Variants in ME3 observed in about 807,000 individuals in gnomAD.
ME3 encodes NADP-dependent malic enzyme, mitochondrial.
Under a neutral mutation model 68.9 loss-of-function variants are expected in ME3, and 48 were observed. That is an observed-to-expected ratio of 0.70 (90% CI 0.55 to 0.89). The LOEUF (loss-of-function observed/expected upper bound fraction) is 0.89, where lower values mean the gene tolerates loss of function less well. ME3 is among the 40% of genes least tolerant of loss of function. The pLI, the probability that ME3 is intolerant of heterozygous loss-of-function variation, is 0.00. For synonymous variants in ME3, 320 were observed against 318.8 expected (o/e 1.00, Z -0.04); for missense variants, 675 against 797.4 (o/e 0.85, Z 1.85).
At chr11:86,664,150 A>T (rs1946450603) in intron 2 of ME3, among the ~76,000 whole-genome samples, 1 of 152,230 alleles carries the variant, frequency 6.6e-6, no homozygotes, top group African/African-American at 2.4e-5. Context: ...TTGGCTCTAG[A>T]AACAATTCCC....
At chr11:86,541,165 G>A (rs1220094652) in intron 4 of ME3, among the ~76,000 whole-genome samples, 1 of 151,090 alleles carries the variant, frequency 6.6e-6, no homozygotes, top group Non-Finnish European at 1.5e-5. Flanking sequence ...ATTCCTTCCG[G>A]TGCCTACACC....
chr11:86,522,015 C>T (rs1954350982), intron 4 of ME3, among the ~76,000 whole-genome samples: 1 of 152,214 alleles, frequency 6.6e-6, no homozygotes, highest in South Asian at 2.1e-4. Context: ...TTTGGGAGGC[C>T]GAAGTTGGTA....
exon 8 of ME3, chr11:86,465,176 T>C: frequency 6.2e-7 from 1 of 1,613,764 alleles, no homozygotes; most frequent in Non-Finnish European, 8.5e-7. Flanking sequence ...AGTCTTCAAA[T>C]TGGATGAGGC....
intron 2 of ME3, among the ~76,000 whole-genome samples, chr11:86,662,666 T>G (rs563258772): frequency 6.6e-6 from 1 of 152,298 alleles, no homozygotes; most frequent in African/African-American, 2.4e-5. Context: ...CTCAAAATGT[T>G]GTGGTATTGT....
intron 7 of ME3, among the ~76,000 whole-genome samples, chr11:86,475,864 T>TAG (rs1255014257): frequency 3.9e-4 from 45 of 114,426 alleles, no homozygotes; most frequent in African/African-American, 1.3e-3. Flanking sequence ...TATATATATA[T>TAG]ATATATATAT....
intron 2 of ME3, among the ~76,000 whole-genome samples, chr11:86,585,510 T>C (rs1958680483): frequency 1.3e-5 from 2 of 152,118 alleles, no homozygotes; most frequent in Non-Finnish European, 2.9e-5. Context: ...GGTTGTGGTG[T>C]TCACTGAAAT....
At chr11:86,570,795 T>G (rs1354875202) in intron 2 of ME3, among the ~76,000 whole-genome samples, 3 of 152,156 alleles carry the variant, frequency 2.0e-5, no homozygotes, top group Non-Finnish European at 4.4e-5. Flanking sequence ...TTGTTCTGGT[T>G]GGGAGATAGG....
chr11:86,598,246 G>A (rs1025709664), intron 2 of ME3, among the ~76,000 whole-genome samples: 5 of 152,214 alleles, frequency 3.3e-5, no homozygotes, highest in South Asian at 2.1e-4. Context: ...ATTCGCACCC[G>A]AATACTGCGC....
At position 86,480,687 on chromosome 11, in the gene ME3, A is replaced by C. The variant is rs892559633; in HGVS notation, c.809+6650T>G. Among the ~76,000 whole-genome samples the C allele has an allele frequency of 2.6e-5, 4 of 152,328 alleles. No individual in the cohort carries two copies. The East Asian group carries it at 7.7e-4, about 29-fold the overall frequency. On this transcript the variant is annotated intron_variant, in intron 7 of 14. Transcript: ENST00000543262. The stretch of plus-strand genomic sequence containing the variant: ...TGGGGCCGAGGTACCCAGATGTGTG[A>C]GTGCTTTCCCCACATGTAGAAATGC...
intron 2 of ME3, among the ~76,000 whole-genome samples, chr11:86,657,538 G>A (rs1232242038): frequency 2.0e-5 from 3 of 152,110 alleles, no homozygotes; most frequent in African/African-American, 7.2e-5. Context: ...GTTGATGGGT[G>A]CAGGAAACCA....
intron 7 of ME3, among the ~76,000 whole-genome samples, chr11:86,479,314 G>A (rs570525316): frequency 3.3e-5 from 5 of 152,294 alleles, no homozygotes; most frequent in African/African-American, 1.2e-4. Flanking sequence ...CCAGCTTGCA[G>A]ACACCATATC....
At chr11:86,532,447 G>A (rs991508983) in intron 4 of ME3, among the ~76,000 whole-genome samples, 1 of 152,074 alleles carries the variant, frequency 6.6e-6, no homozygotes, top group Non-Finnish European at 1.5e-5. Context: ...ACATTCTCCT[G>A]GATAGATCAT....
chr11:86,567,568 C>G (rs757031981), intron 2 of ME3, among the ~76,000 whole-genome samples: 1 of 152,202 alleles, frequency 6.6e-6, no homozygotes, highest in African/African-American at 2.4e-5. Flanking sequence ...TTAATGATCA[C>G]TGTGGCTTTT....
chr11:86,564,426 T>A (rs530541384), intron 2 of ME3, among the ~76,000 whole-genome samples: 243 of 141,542 alleles, frequency 1.7e-3, no homozygotes, highest in African/African-American at 5.6e-3. Flanking sequence ...TCTTTTTTTT[T>A]AAAAAGGGAC....
intron 8 of ME3, among the ~76,000 whole-genome samples, chr11:86,462,998 A>G (rs144563266): frequency 1.3e-5 from 2 of 152,346 alleles, no homozygotes; most frequent in East Asian, 3.9e-4. Context: ...AGGGAAGGGC[A>G]GAGAGCAGAA....
At chr11:86,582,045 A>G (rs1958469024) in intron 2 of ME3, among the ~76,000 whole-genome samples, 1 of 152,240 alleles carries the variant, frequency 6.6e-6, no homozygotes, top group Non-Finnish European at 1.5e-5. Context: ...TTTTCCAAAA[A>G]CCAAATCTGA....
intron 3 of ME3, 52 bp downstream of exon 3, chr11:86,559,634 GAAAC>G (rs1483148128): frequency 1.9e-6 from 3 of 1,551,894 alleles, no homozygotes; most frequent in African/African-American, 1.4e-5. Context: ...TGAAGCACAG[GAAAC>G]AGACAGCTCA....
intron 8 of ME3, among the ~76,000 whole-genome samples, chr11:86,462,166 T>A (rs1950255078): frequency 6.6e-6 from 1 of 152,176 alleles, no homozygotes; most frequent in South Asian, 2.1e-4. Flanking sequence ...CAACATGGGG[T>A]TGAGCTGTGT....
At chr11:86,656,488 C>T (rs9943610) in intron 2 of ME3, among the ~76,000 whole-genome samples, 107,483 of 151,334 alleles carry the variant, frequency 0.71, 39,146 homozygotes, top group Middle Eastern at 0.8. Context: ...CTCAGCAAAC[C>T]ATCGCAAGGA....
Sources: gnomAD v4.1 joint callset for allele counts (sites outside exome capture counted in the v4.1 genomes callset) on GRCh38, gnomAD v4.1.1 for gene constraint, MANE v1.5 for transcripts, NCBI Gene and HGNC (gene_info 2026-07-23, HGNC 2026-07-21) for gene names.